The following DIP2A variants were observed in gnomAD, a reference collection of about 807,000 sequenced individuals.
DIP2A encodes the protein disco-interacting protein 2 homolog A.
Under a neutral mutation model 177.4 loss-of-function variants are expected in DIP2A, and 85 were observed. The ratio of observed to expected loss-of-function variants is 0.48; its 90% CI spans 0.40 to 0.57. The LOEUF is 0.57. Ranked by LOEUF, DIP2A falls within the 20% of genes least tolerant of loss-of-function variation. The pLI is 0.00. For synonymous variants in DIP2A, 886 were observed against 881.8 expected, an observed-to-expected ratio of 1.00 and a Z score of -0.08; for missense variants, 1,791 against 2,100.2, an observed-to-expected ratio of 0.85 and a Z score of 2.88.
intron 18 of DIP2A, among the ~76,000 whole-genome samples, chr21:46,542,931 CTGTG>C (rs771786173): frequency 2.6e-5 from 4 of 152,252 alleles, no homozygotes; most frequent in Non-Finnish European, 5.9e-5. Context: ...CAGACCCTGT[CTGTG>C]GGTGGTGCTG....
At chr21:46,460,318 T>C (rs188261049) in intron 1 of DIP2A, among the ~76,000 whole-genome samples, 99 of 152,358 alleles carry the variant, frequency 6.5e-4, no homozygotes, top group Admixed American at 1.2e-3. Flanking sequence ...TGTCCTGATA[T>C]TCCTTTTGGC....
At chr21:46,510,060 A>G (rs2058231139) in intron 7 of DIP2A, among the ~76,000 whole-genome samples, 1 of 152,256 alleles carries the variant, frequency 6.6e-6, no homozygotes, top group Non-Finnish European at 1.5e-5. Context: ...AGATGTATAC[A>G]TATAAAGGGA....
chr21:46,477,730 C>T (rs12626200), intron 1 of DIP2A, among the ~76,000 whole-genome samples: 40,621 of 143,318 alleles, frequency 0.28, 5,887 homozygotes, highest in East Asian at 0.38. Flanking sequence ...CGCACCATCA[C>T]ACCCAGCTAA....
chr21:46,550,777 G>C, intron 23 of DIP2A, 33 bp downstream of exon 23: 1 of 1,606,320 alleles, frequency 6.2e-7, no homozygotes, highest in Non-Finnish European at 8.5e-7. Flanking sequence ...ATGCTCTCTA[G>C]TCTAACAGTG....
At chr21:46,503,325 CAAAAA>C (rs66982574) in intron 5 of DIP2A, among the ~76,000 whole-genome samples, 2 of 101,382 alleles carry the variant, frequency 2.0e-5, no homozygotes, top group Admixed American at 2.2e-4. Context: ...GACTCCATCT[CAAAAA>C]AAAAAAAAAA....
chr21:46,460,402 T>C (rs1056719300), intron 1 of DIP2A, among the ~76,000 whole-genome samples: 1 of 152,216 alleles, frequency 6.6e-6, no homozygotes, highest in African/African-American at 2.4e-5. Flanking sequence ...AGCATGTAAT[T>C]GATTCTTACT....
chr21:46,577,085 G>T, the DIP2A span, among the ~76,000 whole-genome samples: 2 of 152,048 alleles, frequency 1.3e-5, no homozygotes, highest in African/African-American at 4.8e-5. Flanking sequence ...TGGTCTGTTT[G>T]CTCTGATGAT....
chr21:46,519,783 A>G (rs2058737934), intron 8 of DIP2A, among the ~76,000 whole-genome samples: 1 of 150,582 alleles, frequency 6.6e-6, no homozygotes, highest in Non-Finnish European at 1.5e-5. Context: ...TGAACTGGGT[A>G]ACTGTTGGAA....
intron 1 of DIP2A, among the ~76,000 whole-genome samples, chr21:46,479,961 G>A (rs1019080990): frequency 3.3e-5 from 5 of 152,052 alleles, no homozygotes; most frequent in Non-Finnish European, 5.9e-5. Flanking sequence ...TATTAAGAAC[G>A]ACTGTTACCA....
At chr21:46,534,443 G>A (rs1485077356) in intron 12 of DIP2A, 142 bp from the exon 13 acceptor site, 2 of 812,912 alleles carry the variant, frequency 2.5e-6, no homozygotes, top group African/African-American at 1.7e-5. Context: ...GTTTTGCCAT[G>A]TACCTGGGCT....
intron 10 of DIP2A, among the ~76,000 whole-genome samples, 160 bp from the exon 11 acceptor site, chr21:46,533,364 G>A (rs1201222581): frequency 6.6e-6 from 1 of 152,148 alleles, no homozygotes; most frequent in Non-Finnish European, 1.5e-5. Context: ...CTATTTCCGT[G>A]AAAAGATCAT....
At position 46,546,948 on chromosome 21, in the gene DIP2A, G is replaced by A. The variant is rs374876420; in HGVS notation, c.2428G>A (p.Gly810Arg). Residue 810 changes from glycine to arginine, a missense_variant, in exon 21 of 38, where the codon GGG becomes AGG. Transcript: ENST00000417564. ...NLVFIVGKLD[G>R]LMVTGVRRHN... ...GGTCTTCATCGTGGGCAAACTGGAC[G>A]GGCTGATGGTCACTGGAGTTCGCAG... The A allele has an allele frequency of 3.3e-5, 53 of 1,613,950 alleles. No homozygotes were observed. The highest frequency in any genetic ancestry group is 5.3e-5 in the African/African-American group (4 of 75,040).
chr21:46,489,941 A>T (rs2056909776), intron 2 of DIP2A, among the ~76,000 whole-genome samples: 1 of 151,934 alleles, frequency 6.6e-6, no homozygotes, highest in Non-Finnish European at 1.5e-5. Context: ...GGTCCTGGTG[A>T]GGGAGTGTGG....
At position 46,546,920 on chromosome 21, in the gene DIP2A, C is replaced by A; in HGVS notation, c.2400C>A (p.Asn800Lys). ...TGLLGFIGPD[N>K]LVFIVGKLDG... ...ACGCACACCCTTTCCCTCAGGACAA[C>A]CTGGTCTTCATCGTGGGCAAACTGG... The change falls in exon 21 of 38, where the codon AAC becomes AAA. Residue 800 changes from asparagine (N) to lysine (K), a missense_variant. Asn to Lys is a moderately conservative substitution (Grantham distance 94). Coordinates refer to ENST00000417564, the MANE Select transcript of DIP2A (RefSeq NM_015151.4). The A allele has an allele frequency of 1.2e-6, 2 of 1,613,842 alleles. No individual in the cohort carries two copies. The highest frequency in any genetic ancestry group is 1.7e-6 in the Non-Finnish European group (2 of 1,179,800).
At chr21:46,472,056 G>A (rs937117100) in intron 1 of DIP2A, among the ~76,000 whole-genome samples, 5 of 152,150 alleles carry the variant, frequency 3.3e-5, no homozygotes, top group Non-Finnish European at 5.9e-5. Flanking sequence ...TAACCCCAAT[G>A]GATTATATTT....
Position 46,560,765 on chromosome 21 carries a change from G to A in DIP2A, c.4013G>A (p.Arg1338Gln), listed in dbSNP as rs868364683. 2.5e-6 allele frequency: 4 copies of A among 1,607,702 alleles called. No individual in the cohort carries two copies. The highest frequency in any genetic ancestry group is 3.4e-6 in the Non-Finnish European group (4 of 1,177,314). Residue 1338 changes from arginine to glutamine, a missense_variant, in exon 33 of 38, where the codon CGG becomes CAG. Arg to Gln is a conservative substitution (Grantham distance 43, BLOSUM62 1). Coordinates refer to ENST00000417564, the MANE Select transcript of DIP2A (RefSeq NM_015151.4). ...PDPTTVYVDM[R>Q]ALRHDRVRLV... ...CCCACAACCGTCTACGTGGACATGC[G>A]GGCACTGCGCCATGACAGGTAATGC...
intron 1 of DIP2A, chr21:46,469,422 G>A (rs2055156015): frequency 6.6e-6 from 1 of 152,234 alleles, no homozygotes; most frequent in African/African-American, 2.4e-5. Context: ...TGACCAGAAA[G>A]AAAAAACTTA....
chr21:46,560,302 C>G (rs573316187), intron 32 of DIP2A, among the ~76,000 whole-genome samples: 1 of 152,216 alleles, frequency 6.6e-6, no homozygotes, highest in Non-Finnish European at 1.5e-5. Flanking sequence ...TCCATCTCAC[C>G]TGAGTGAGTC....
At chr21:46,577,222 T>C in the DIP2A span, among the ~76,000 whole-genome samples, 24 of 152,334 alleles carry the variant, frequency 1.6e-4, no homozygotes, top group Admixed American at 4.6e-4. Context: ...ATGTCCTGAA[T>C]GGTATTGCCT....
Sources: allele counts gnomAD v4.1 joint callset (sites outside exome capture counted in the v4.1 genomes callset), GRCh38; gene constraint gnomAD v4.1.1; transcripts MANE v1.5; gene names NCBI Gene and HGNC (gene_info 2026-07-23, HGNC 2026-07-21).